The following PPP2R3B variants were observed in gnomAD, a reference collection of about 807,000 sequenced individuals.
The protein encoded by PPP2R3B is serine/threonine-protein phosphatase 2A regulatory subunit B'' subunit beta.
Under a neutral mutation model 72.9 loss-of-function variants are expected in PPP2R3B, and 68 were observed. The observed-to-expected ratio is 0.93, with a 90% CI of 0.77 to 1.14. The LOEUF (loss-of-function observed/expected upper bound fraction) is 1.14. Among genes scored for constraint, PPP2R3B ranks in the 50% most tolerant of loss-of-function variants. PPP2R3B has a pLI of 0.00. For missense variants in PPP2R3B, 1,018 were observed against 842.0 expected, an observed-to-expected ratio of 1.21 and a Z score of -2.59; for synonymous variants, 466 against 375.8, an observed-to-expected ratio of 1.24 and a Z score of -2.78.
intron 1 of PPP2R3B, among the ~76,000 whole-genome samples, chrX:382,564 C>T (rs940696432): frequency 2.6e-5 from 4 of 152,028 alleles, no homozygotes; most frequent in African/African-American, 2.4e-5. Flanking sequence ...TCTCAAGTTC[C>T]ACTACTCACT....
At chrX:353,657 G>A (rs770148253) in intron 2 of PPP2R3B, among the ~76,000 whole-genome samples, 31 of 152,366 alleles carry the variant, frequency 2.0e-4, no homozygotes, top group South Asian at 1.2e-3. Flanking sequence ...CTTCACGAGC[G>A]CAGACGCAAC....
Position 340,887 on chromosome X carries a change from A to G in PPP2R3B, c.1229T>C (p.Met410Thr), listed in dbSNP as rs147635089. ...MDLDGDGALS[M>T]FELEYFYEEQ... ...CTCGTAGAAGTACTCGAGCTCGAAC[A>G]TGGACAGGGCGCCGTCCCCGTCCAG... Residue 410 changes from methionine to threonine, a missense_variant, in exon 10 of 13, where the codon ATG (methionine) becomes ACG (threonine). By Grantham distance (81) the Met-to-Thr change is moderately conservative. Transcript: ENST00000390665. The G allele has an allele frequency of 1.3e-3, 2,170 of 1,611,838 alleles. 3 individuals are homozygous for G. Among genetic ancestry groups the G allele is most frequent in the Middle Eastern group, 3.1e-3 (18 of 5,818 alleles).
chrX:345,487 G>GGCCC, intron 7 of PPP2R3B, 29 bp downstream of exon 7: 3 of 1,611,496 alleles, frequency 1.9e-6, no homozygotes, highest in South Asian at 1.1e-5. Context: ...GTGTCCGCGC[G>GGCCC]GCCCGCCCGC....
At chrX:360,310 G>A (rs1645976469) in intron 2 of PPP2R3B, among the ~76,000 whole-genome samples, 1 of 152,170 alleles carries the variant, frequency 6.6e-6, no homozygotes, top group South Asian at 2.1e-4. Context: ...GAGGCAGGCG[G>A]ATCACTTGAA....
intron 2 of PPP2R3B, among the ~76,000 whole-genome samples, chrX:350,585 C>A (rs73613881): frequency 6.6e-6 from 1 of 152,138 alleles, no homozygotes; most frequent in African/African-American, 2.4e-5. Context: ...GCACGGTGGC[C>A]GTAGACAAGG....
intron 12 of PPP2R3B, chrX:334,853 A>T (rs2070846779): frequency 3.5e-6 from 1 of 286,928 alleles, no homozygotes; most frequent in Admixed American, 5.3e-5. Flanking sequence ...CGTGGTGTCC[A>T]CACAGGACTG....
At chrX:370,837 C>T (rs1478965349) in intron 1 of PPP2R3B, among the ~76,000 whole-genome samples, 2 of 152,214 alleles carry the variant, frequency 1.3e-5, no homozygotes, top group Admixed American at 6.5e-5. Context: ...GCTGTCACCA[C>T]GCTGAAGTCA....
chrX:345,888 TGGGGGC>T (rs1446752560), intron 6 of PPP2R3B, among the ~76,000 whole-genome samples: 2 of 4,324 alleles, frequency 4.6e-4, no homozygotes, highest in African/African-American at 1.1e-3. Flanking sequence ...GGTGTGGGGG[TGGGGGC>T]AGCTCTGGGG....
At chrX:378,984 CT>C (rs2072058134) in intron 1 of PPP2R3B, among the ~76,000 whole-genome samples, 1 of 152,224 alleles carries the variant, frequency 6.6e-6, no homozygotes, top group African/African-American at 2.4e-5. Flanking sequence ...TTGTTAAGAA[CT>C]TCTAATGAAA....
chrX:339,272 C>CGGGGGG (rs113634597), intron 10 of PPP2R3B, among the ~76,000 whole-genome samples: 10 of 134,404 alleles, frequency 7.4e-5, no homozygotes, highest in African/African-American at 1.4e-4. Flanking sequence ...GCCCCATGGC[C>CGGGGGG]GGGGGGGGCA....
chrX:364,508 AAAAAAAAAAAAAC>A (rs1415884375), intron 1 of PPP2R3B, among the ~76,000 whole-genome samples: 9,283 of 110,962 alleles, frequency 0.084, 637 homozygotes, highest in African/African-American at 0.16. Flanking sequence ...ATCTCTACTA[AAAAAAAAAAAAAC>A]AAAAAAAAAA....
chrX:368,890 G>T (rs1331965707), intron 1 of PPP2R3B, among the ~76,000 whole-genome samples: 1 of 149,694 alleles, frequency 6.7e-6, no homozygotes, highest in African/African-American at 2.5e-5. Context: ...CCTGGGCACC[G>T]ACGGGGGGAA....
At position 334,341 on chromosome X, in the gene PPP2R3B, C is replaced by T. The variant is rs1569369498; in HGVS notation, c.*26G>A. On this transcript the variant is annotated 3_prime_UTR_variant, in exon 13 of 13. Transcript: ENST00000390665. ...CGGTGGTGGCACGTGGGGAGCGGCC[C>T]CGCGGCGGCGTTCTCGCGGGCGGCG... is the stretch of plus-strand genomic sequence containing the variant. 1 of 1,461,072 alleles carries T rather than the reference C, an allele frequency of 6.8e-7. No individual in the cohort carries two copies. The highest frequency in any genetic ancestry group is 9.0e-7 in the Non-Finnish European group (1 of 1,112,156). 90.5% of individuals were successfully genotyped at this position (1,461,072 alleles called of 1,614,324 possible).
At chrX:344,213 G>C (rs1230062008) in intron 7 of PPP2R3B, among the ~76,000 whole-genome samples, 1 of 90,740 alleles carries the variant, frequency 1.1e-5, no homozygotes, top group African/African-American at 3.5e-5. Context: ...AACGGGAGGC[G>C]GGATTGAGAC....
intron 2 of PPP2R3B, 117 bp from the exon 3 acceptor site, chrX:347,810 C>T: frequency 1.4e-6 from 1 of 740,448 alleles, no homozygotes; most frequent in Non-Finnish European, 2.1e-6. Context: ...AAAGACACAG[C>T]ACGCTCAGCG....
chrX:364,589 G>A (rs189698991), intron 1 of PPP2R3B, among the ~76,000 whole-genome samples: 31,453 of 93,516 alleles, frequency 0.34, 5,781 homozygotes, highest in African/African-American at 0.38. Context: ...GTGGTGGAGG[G>A]TGCCTGTACT....
chrX:364,098 G>T (rs905089759), intron 1 of PPP2R3B, among the ~76,000 whole-genome samples: 1 of 152,238 alleles, frequency 6.6e-6, no homozygotes, highest in Non-Finnish European at 1.5e-5. Context: ...GGCCGAGCGG[G>T]CTCACCCGAA....
intron 7 of PPP2R3B, among the ~76,000 whole-genome samples, chrX:344,197 C>CGTCGCCG (rs2071143715): frequency 1.1e-5 from 1 of 91,714 alleles, no homozygotes; most frequent in Admixed American, 1.0e-4. Context: ...GGAGTGAGAC[C>CGTCGCCG]TCAGCAACGG....
At chrX:353,779 G>A (rs1465767686) in intron 2 of PPP2R3B, among the ~76,000 whole-genome samples, 1 of 150,886 alleles carries the variant, frequency 6.6e-6, no homozygotes, top group South Asian at 2.1e-4. Context: ...CTCACCCAAA[G>A]ACCGGGGCTC....
Sources: allele counts gnomAD v4.1 joint callset (sites outside exome capture counted in the v4.1 genomes callset), GRCh38; gene constraint gnomAD v4.1.1; transcripts MANE v1.5; gene names NCBI Gene and HGNC (gene_info 2026-07-23, HGNC 2026-07-21).